SUMF2: variants seen among roughly 807,000 people sequenced by gnomAD.
SUMF2 encodes the protein sulfatase modifying factor 2.
SUMF2 carries 45 observed loss-of-function variants against 44.8 expected under a neutral mutation model. The ratio of observed to expected loss-of-function variants is 1.00; its 90% CI spans 0.79 to 1.29. The LOEUF (loss-of-function observed/expected upper bound fraction) is 1.29. SUMF2 is among the 50% of genes most tolerant of loss of function. The pLI is 0.00. For missense variants in SUMF2, 418 were observed against 389.9 expected (o/e 1.07, Z -0.61); for synonymous variants, 148 against 150.4 (o/e 0.98, Z 0.12).
At chr7:56,071,807 A>G (rs77106815) in intron 2 of SUMF2, among the ~76,000 whole-genome samples, 1,779 of 149,350 alleles carry the variant, frequency 0.012, 42 homozygotes, top group African/African-American at 0.042. Flanking sequence ...TAAATAAATA[A>G]ATAAATAATT....
chr7:56,066,220 A>G (rs188405990), intron 1 of SUMF2, among the ~76,000 whole-genome samples: 1 of 152,072 alleles, frequency 6.6e-6, no homozygotes. Flanking sequence ...AAAGACAAGG[A>G]CTCTGCCTTG....
downstream of SUMF2, among the ~76,000 whole-genome samples, chr7:56,085,292 C>G (rs1203779561): frequency 6.6e-6 from 1 of 151,528 alleles, no homozygotes; most frequent in Non-Finnish European, 1.5e-5. Context: ...GAGATGGGGT[C>G]TCACTTTGTT....
chr7:56,074,463 C>T, intron 4 of SUMF2, 123 bp from the exon 5 acceptor site: 5 of 1,328,702 alleles, frequency 3.8e-6, no homozygotes, highest in Admixed American at 2.3e-5. Flanking sequence ...GTCACTCACC[C>T]GGCTCTCTTC....
Position 56,068,572 on chromosome 7 carries a change from C to T in SUMF2, c.158C>T (p.Pro53Leu). The change falls in exon 2 of 9, where the codon CCT becomes CTT. Residue 53 changes from proline to leucine, a missense_variant. Coordinates refer to ENST00000434526, the MANE Select transcript of SUMF2 (RefSeq NM_015411.4). Reference sequence around the variant, plus strand: ...CCAGACAGCAGAGATGGTGACGGGCCTGTGCGGGAGGCGACAGTGAAACCC... The same window carrying T: ...CCAGACAGCAGAGATGGTGACGGGCTTGTGCGGGAGGCGACAGTGAAACCC... ...NSPDSRDGDG[P>L]VREATVKPFA... The T allele has an allele frequency of 6.2e-7, 1 of 1,613,976 alleles. No homozygotes were observed. Among genetic ancestry groups the T allele is most frequent in the Admixed American group, 1.7e-5 (1 of 59,956 alleles).
chr7:56,075,381 G>T (rs1372072152), intron 5 of SUMF2, among the ~76,000 whole-genome samples: 1 of 151,878 alleles, frequency 6.6e-6, no homozygotes, highest in African/African-American at 2.4e-5. Context: ...CTGCCTCTGG[G>T]GTACAGAGAT....
At chr7:56,087,813 C>G in the SUMF2 span, 3 of 1,576,446 alleles carry the variant, frequency 1.9e-6, no homozygotes, top group Non-Finnish European at 2.6e-6. Flanking sequence ...CGGGGGGCCC[C>G]TCACCCCATG....
At chr7:56,082,054 T>C (rs1796027010), downstream of SUMF2, 2 of 1,611,638 alleles carry the variant, frequency 1.2e-6, no homozygotes, top group Non-Finnish European at 1.7e-6. Context: ...CACCTGGACA[T>C]GCGAGGGCCC....
the SUMF2 span, among the ~76,000 whole-genome samples, chr7:56,086,147 C>G: frequency 6.6e-6 from 1 of 151,594 alleles, no homozygotes; most frequent in Non-Finnish European, 1.5e-5. Context: ...ACCACTCGGT[C>G]TAAGGAAGCC....
chr7:56,068,336 A>C, intron 1 of SUMF2, 146 bp from the exon 2 acceptor site: 1 of 767,024 alleles, frequency 1.3e-6, no homozygotes, highest in Non-Finnish European at 2.0e-6. Context: ...TGCCCAGCCC[A>C]AAAGGAATTT....
At chr7:56,069,868 CCCACCATG>C (rs1171738349) in intron 2 of SUMF2, among the ~76,000 whole-genome samples, 2 of 151,834 alleles carry the variant, frequency 1.3e-5, no homozygotes, top group Non-Finnish European at 2.9e-5. Flanking sequence ...ATAGGTGTGA[CCCACCATG>C]CCTGGCCTTG....
In SUMF2 at chr7:56,064,489, C is replaced by T. The variant is rs1794611466; in HGVS notation, c.67+111C>T. The stretch of plus-strand genomic sequence containing the variant: ...GCCGGCTTCCGGGATGCGGCTGCAG[C>T]GGCAGGCTGGGGAGGTAGCTCTCGG... On this transcript the variant is annotated intron_variant, in intron 1 of 8. Transcript: ENST00000434526. 9 of 1,435,834 alleles carry T rather than the reference C, an allele frequency of 6.3e-6. No individual in the cohort carries two copies. The South Asian group carries it at 9.6e-5, about 15-fold the overall frequency. The allele number at this position is 1,435,834 out of a possible 1,614,324, so 88.9% of individuals were successfully genotyped here. A position where few individuals can be genotyped will look rare whatever the true frequency, so the allele number is the denominator to read the frequency against.
the SUMF2 span, among the ~76,000 whole-genome samples, chr7:56,086,152 G>A: frequency 6.6e-6 from 1 of 151,472 alleles, no homozygotes; most frequent in Admixed American, 6.6e-5. Flanking sequence ...TCGGTCTAAG[G>A]AAGCCCCTGT....
At chr7:56,087,663 T>A in the SUMF2 span, 11 of 1,613,846 alleles carry the variant, frequency 6.8e-6, no homozygotes, top group East Asian at 2.5e-4. Flanking sequence ...TTCTCGCAGC[T>A]CCCGCACCTC....
chr7:56,081,285 G>A (rs143871825), downstream of SUMF2: 677 of 1,609,782 alleles, frequency 4.2e-4, 2 homozygotes, highest in South Asian at 8.9e-4. This position sits in a 1 kb window ranked among gnomAD's most constrained non-coding sequence, Gnocchi z 4.6. Flanking sequence ...AAGCCAGCAC[G>A]GTCAGAGCGA....
intron 3 of SUMF2, 81 bp from the exon 4 acceptor site, chr7:56,074,093 G>C: frequency 1.6e-6 from 2 of 1,227,434 alleles, no homozygotes; most frequent in Non-Finnish European, 2.4e-6. Context: ...TGACGTCTCT[G>C]TTCTGCGTCC....
chr7:56,078,559 G>T, intron 8 of SUMF2, 51 bp downstream of exon 8: 1 of 1,497,462 alleles, frequency 6.7e-7, no homozygotes, highest in Non-Finnish European at 8.9e-7. Flanking sequence ...GGGGGCTGAT[G>T]TCTGAATCCC....
At chr7:56,074,518 C>G in intron 4 of SUMF2, 68 bp from the exon 5 acceptor site, 1 of 1,586,930 alleles carries the variant, frequency 6.3e-7, no homozygotes, top group South Asian at 1.1e-5. Context: ...ACGCGGGCGC[C>G]CTAAACCTAG....
At chr7:56,065,070 T>C (rs918334556) in intron 1 of SUMF2, among the ~76,000 whole-genome samples, 3 of 150,072 alleles carry the variant, frequency 2.0e-5, no homozygotes, top group Non-Finnish European at 4.4e-5. Flanking sequence ...CGGGCGCTTG[T>C]AGTCCCAGCT....
chr7:56,065,404 T>C (rs1478094106), intron 1 of SUMF2, among the ~76,000 whole-genome samples: 1 of 152,050 alleles, frequency 6.6e-6, no homozygotes, highest in Non-Finnish European at 1.5e-5. Flanking sequence ...AGTCAAACCG[T>C]TTCTCACCTA....
Sources: allele counts gnomAD v4.1 joint callset (sites outside exome capture counted in the v4.1 genomes callset), GRCh38; gene constraint gnomAD v4.1.1; non-coding constraint Gnocchi (gnomAD v3.1); transcripts MANE v1.5; gene names NCBI Gene and HGNC (gene_info 2026-07-23, HGNC 2026-07-21).